Variants in CSPG4 observed in about 807,000 individuals in gnomAD.
CSPG4 encodes chondroitin sulfate proteoglycan 4.
Under a neutral mutation model 139.3 loss-of-function variants are expected in CSPG4, and 74 were observed. The ratio of observed to expected loss-of-function variants is 0.53; its 90% CI spans 0.44 to 0.64. The LOEUF (loss-of-function observed/expected upper bound fraction) is 0.64, where lower values mean the gene tolerates loss of function less well. Ranked by LOEUF, CSPG4 falls within the 30% of genes least tolerant of loss-of-function variation. The pLI, the probability that CSPG4 is intolerant of heterozygous loss-of-function variation, is 0.00. For synonymous variants in CSPG4, 1,234 were observed against 1,394.2 expected (o/e 0.89, Z 2.56); for missense variants, 2,565 against 3,148.3 (o/e 0.81, Z 4.43).
intron 1 of CSPG4, among the ~76,000 whole-genome samples, chr15:75,699,585 G>A (rs1262649319): frequency 3.4e-4 from 52 of 152,024 alleles, no homozygotes; most frequent in Non-Finnish European, 7.4e-4. Context: ...GGCTGATAGG[G>A]GCTGCACCCT....
Position 75,687,302 on chromosome 15 carries a change from C to T in CSPG4, c.3763G>A (p.Ala1255Thr). 2 of 1,611,452 alleles carry T rather than the reference C, an allele frequency of 1.2e-6. No homozygotes were observed. Among genetic ancestry groups the T allele is most frequent in the Non-Finnish European group, 1.7e-6 (2 of 1,179,952 alleles). The change falls in exon 3 of 10, where the codon GCT becomes ACT. Residue 1255 changes from alanine to threonine, a missense_variant. Transcript: ENST00000308508. This position sits in a 1 kb window ranked among gnomAD's most constrained non-coding sequence, Gnocchi z 5.4. Reference protein sequence around the residue: ...KKIYVFQGEAAEIRRDQLEAA... With the variant: ...KKIYVFQGEATEIRRDQLEAA... ...TCCAGCTGGTCCCTTCTGATCTCAGCTGCCTCTCCCTGGAAGACGTAGATC... is the reference window on the plus strand; with the variant it reads ...TCCAGCTGGTCCCTTCTGATCTCAGTTGCCTCTCCCTGGAAGACGTAGATC...
At chr15:75,678,864 C>T (rs1238843616) in intron 8 of CSPG4, 3 of 452,110 alleles carry the variant, frequency 6.6e-6, no homozygotes, top group Non-Finnish European at 1.3e-5. Flanking sequence ...GGTCGGCTCT[C>T]AGCCTCCTCT....
Position 75,685,286 on chromosome 15 carries a change from T to G in CSPG4, c.4205A>C (p.Gln1402Pro), listed in dbSNP as rs1168435238. 2 of 1,577,594 alleles carry G rather than the reference T, an allele frequency of 1.3e-6. No individual in the cohort carries two copies. The highest frequency in any genetic ancestry group is 1.7e-6 in the Non-Finnish European group (2 of 1,159,544). ...GLSLQVLEPPQHGALQKEDGP... is the reference protein window; with the variant it reads ...GLSLQVLEPPPHGALQKEDGP... Reference sequence around the variant, plus strand: ...GTCCTCCTTCTGCAGGGCTCCATGCTGGGGTGGCTCCAGCACCTGCAGGCT... The same window carrying G: ...GTCCTCCTTCTGCAGGGCTCCATGCGGGGGTGGCTCCAGCACCTGCAGGCT... Residue 1402 changes from glutamine (Q) to proline (P), a missense_variant, in exon 4 of 10, where the codon CAG becomes CCG. Transcript: ENST00000308508.
Position 75,689,836 on chromosome 15 carries a change from T to G in CSPG4, c.1229A>C (p.Glu410Ala). The G allele has an allele frequency of 1.2e-6, 2 of 1,612,614 alleles. No individual in the cohort carries two copies. The highest frequency in any genetic ancestry group is 1.7e-6 in the Non-Finnish European group (2 of 1,179,692). The change falls in exon 3 of 10, where the codon GAG (glutamate) becomes GCG (alanine). Residue 410 changes from glutamate (E) to alanine (A), a missense_variant. Physicochemically the swap from Glu to Ala is moderately radical, Grantham distance 107. Around this residue, in one of 5 missense-constraint regions of CSPG4, gnomAD observed 2,316 missense variants for 2,818.2 expected, o/e 0.82. Coordinates refer to ENST00000308508, the MANE Select transcript of CSPG4 (RefSeq NM_001897.5). ...TLAPEAWPAMELPEPCVPEPG... is the reference protein window; with the variant it reads ...TLAPEAWPAMALPEPCVPEPG... ...CTCAGGCACGCATGGCTCAGGCAGC[T>G]CCATGGCTGGCCAAGCCTCAGGGGC...
At chr15:75,684,320 G>A (rs753143956) in intron 5 of CSPG4, among the ~76,000 whole-genome samples, 3 of 152,238 alleles carry the variant, frequency 2.0e-5, no homozygotes, top group Non-Finnish European at 4.4e-5. Flanking sequence ...CCTGCTGGGC[G>A]TGGAACAGCC....
At chr15:75,692,091 C>T (rs1398582974) in intron 2 of CSPG4, among the ~76,000 whole-genome samples, 4 of 152,188 alleles carry the variant, frequency 2.6e-5, no homozygotes, top group Admixed American at 2.6e-4. Flanking sequence ...AAGTGATTCT[C>T]TTGCCTCAGC....
chr15:75,704,737 G>A (rs1448800166), intron 1 of CSPG4, among the ~76,000 whole-genome samples: 1 of 152,122 alleles, frequency 6.6e-6, no homozygotes, highest in Non-Finnish European at 1.5e-5. Flanking sequence ...CCCCTACTCT[G>A]AGCTCACATA....
Position 75,675,803 on chromosome 15 carries a change from A to T in CSPG4, c.6716T>A (p.Ile2239Asn). 6.2e-7 allele frequency: 1 copy of T among 1,613,510 alleles called. No individual in the cohort carries two copies. The highest frequency in any genetic ancestry group is 8.5e-7 in the Non-Finnish European group (1 of 1,179,996). The change falls in exon 10 of 10, where the codon ATC becomes AAC. Residue 2239 changes from isoleucine (I) to asparagine (N), a missense_variant. This residue lies in a region of CSPG4 where 2,316 missense variants were observed against 2,818.2 expected (regional missense o/e 0.82). Transcript: ENST00000308508. ...MCLVLLLLAL[I>N]LPLLFYLRKR... ...TCGGAGGTAGAAGAGCAGGGGCAGG[A>T]TGAGCGCCAGGAGCAGAAGTACCAG...
intron 1 of CSPG4, among the ~76,000 whole-genome samples, chr15:75,694,053 C>T (rs181080876): frequency 6.6e-6 from 1 of 152,358 alleles, no homozygotes; most frequent in East Asian, 1.9e-4. Flanking sequence ...CCCATTGTTT[C>T]CACCGTGGCC....
chr15:75,676,207 G>A lies in CSPG4; in HGVS notation c.6312C>T (p.Pro2104=), dbSNP rs773968978. 1.5e-5 allele frequency: 24 copies of A among 1,551,446 alleles called. No homozygotes were observed. The highest frequency in any genetic ancestry group is 3.8e-5 in the Admixed American group (2 of 52,206). Residue 2104 remains proline (P), a synonymous_variant, in exon 10 of 10, where the codon CCC becomes CCT. Transcript: ENST00000308508. ...ACTGCTCCACCAGCTGGCTGCCCCC[G>A]GGCTCCGTCCTGGCTCGGGGCACGC... ...VVRVPRARTE[P]GGSQLVEQFT... is the part of the protein sequence containing the mutation.
Position 75,677,866 on chromosome 15 carries a change from C to G in CSPG4, c.4971G>C (p.Leu1657=), listed in dbSNP as rs1167839944. 1.9e-6 allele frequency: 3 copies of G among 1,611,808 alleles called. No individual in the cohort carries two copies. The African/African-American group carries it at 4.0e-5, about 22-fold the overall frequency. The change falls in exon 9 of 10, where the codon CTG becomes CTC. Residue 1657 remains leucine (L), a synonymous_variant. Coordinates refer to ENST00000308508, the MANE Select transcript of CSPG4 (RefSeq NM_001897.5). ...TQAEVYAGNI[L]YEHEMPPEPF... is the part of the protein sequence containing the mutation. Reference sequence around the variant, plus strand: ...GCTCGGGGGGCATCTCATGCTCATACAGAATATTCCCAGCGTAGACCTAGG... The same window carrying G: ...GCTCGGGGGGCATCTCATGCTCATAGAGAATATTCCCAGCGTAGACCTAGG...
chr15:75,683,539 G>T (rs1025704198), intron 5 of CSPG4, among the ~76,000 whole-genome samples: 2 of 152,344 alleles, frequency 1.3e-5, no homozygotes, highest in South Asian at 2.1e-4. Flanking sequence ...CGCAGAGAGT[G>T]GGGGGCTGAT....
At chr15:75,694,448 T>G (rs935397695) in intron 1 of CSPG4, among the ~76,000 whole-genome samples, 1 of 152,226 alleles carries the variant, frequency 6.6e-6, no homozygotes, top group Non-Finnish European at 1.5e-5. Flanking sequence ...CGGTGATTCA[T>G]TCCTGTTGGG....
rs1566977035 is a variant in CSPG4 at position 75,698,878 on chromosome 15, C to T, written c.89-5645G>A. ...GTTACAGGGGAGACTTAAGGTCAGA[C>T]TAAGGGGAGCGACCTGCCCAGTGAT... On this transcript the variant is annotated intron_variant, in intron 1 of 9. Transcript: ENST00000308508. The surrounding 1 kb of genome is among the most constrained non-coding windows in gnomAD (Gnocchi z 4.3). 1.3e-5 allele frequency among the ~76,000 whole-genome samples: 2 copies of T among 152,134 alleles called. No individual in the cohort carries two copies. The highest frequency in any genetic ancestry group is 4.2e-4 in the South Asian group (2 of 4,806).
chr15:75,695,911 T>A (rs1310093781), intron 1 of CSPG4, among the ~76,000 whole-genome samples: 1 of 152,000 alleles, frequency 6.6e-6, no homozygotes, highest in East Asian at 1.9e-4. Context: ...TCTGGCTAAC[T>A]TGAAGGAAGA....
intron 2 of CSPG4, among the ~76,000 whole-genome samples, chr15:75,692,858 G>A (rs114329862): frequency 0.037 from 5,230 of 141,332 alleles, no homozygotes; most frequent in African/African-American, 0.14. Flanking sequence ...GGGTTGTGGC[G>A]GGAAACATGG....
intron 1 of CSPG4, among the ~76,000 whole-genome samples, chr15:75,697,021 G>A (rs1034153061): frequency 1.3e-5 from 2 of 152,184 alleles, no homozygotes; most frequent in Admixed American, 1.3e-4. Flanking sequence ...ACAAGGAGTC[G>A]CTGTGAGGGG....
intron 2 of CSPG4, among the ~76,000 whole-genome samples, chr15:75,692,691 G>A (rs2141432307): frequency 6.6e-6 from 1 of 152,332 alleles, no homozygotes; most frequent in South Asian, 2.1e-4. Flanking sequence ...CCCACACTGA[G>A]ACTTCAAGGA....
chr15:75,684,627 C>T (rs1894025995), intron 5 of CSPG4, 109 bp downstream of exon 5: 1 of 1,023,720 alleles, frequency 9.8e-7, no homozygotes, highest in Admixed American at 2.4e-5. Context: ...CCCCATTTTG[C>T]AGAGGAGGAA....
Sources: gnomAD v4.1 joint callset for allele counts (sites outside exome capture counted in the v4.1 genomes callset) on GRCh38, gnomAD v4.1.1 for gene constraint, gnomAD v4.1.1 regional missense constraint, Gnocchi (gnomAD v3.1) non-coding constraint, MANE v1.5 for transcripts, NCBI Gene and HGNC (gene_info 2026-07-23, HGNC 2026-07-21) for gene names.